Variants in TBC1D5 observed in about 807,000 individuals in gnomAD.
The protein encoded by TBC1D5 is TBC1 domain family, member 5.
TBC1D5 carries 75 observed loss-of-function variants against 100.3 expected under a neutral mutation model. That is an observed-to-expected ratio of 0.75 (90% CI 0.62 to 0.91). TBC1D5 has a LOEUF of 0.91. Among genes scored for constraint, TBC1D5 ranks in the 40% least tolerant of loss-of-function variants. The pLI is 0.00. For synonymous variants in TBC1D5, 323 were observed against 325.6 expected (o/e 0.99, Z 0.09); for missense variants, 910 against 942.4 (o/e 0.97, Z 0.45).
chr3:17,205,911 C>T (rs563174632), intron 18 of TBC1D5, among the ~76,000 whole-genome samples: 98 of 152,234 alleles, frequency 6.4e-4, no homozygotes, highest in African/African-American at 2.0e-3. Flanking sequence ...ATAATCCAAC[C>T]GTAGACCTAT....
intron 14 of TBC1D5, among the ~76,000 whole-genome samples, chr3:17,307,455 T>C (rs2083510916): frequency 1.3e-5 from 2 of 152,212 alleles, no homozygotes; most frequent in South Asian, 2.1e-4. Context: ...ACAGACACCA[T>C]AACATACATC....
intron 1 of TBC1D5, among the ~76,000 whole-genome samples, chr3:17,684,431 A>G (rs1312470087): frequency 6.6e-6 from 1 of 152,098 alleles, no homozygotes; most frequent in African/African-American, 2.4e-5. Flanking sequence ...GAAATGTACA[A>G]TGCAGTTTCT....
chr3:17,491,169 G>A (rs1465822494), intron 3 of TBC1D5, among the ~76,000 whole-genome samples: 1 of 152,136 alleles, frequency 6.6e-6, no homozygotes, highest in East Asian at 1.9e-4. Flanking sequence ...TGTATCCCGA[G>A]ACTTTGCTGA....
At chr3:17,503,509 C>G (rs1161739917) in intron 3 of TBC1D5, among the ~76,000 whole-genome samples, 1 of 149,512 alleles carries the variant, frequency 6.7e-6, no homozygotes, top group Non-Finnish European at 1.5e-5. Context: ...TAGAACAATG[C>G]CTAGTACACG....
rs184304516 is a variant in TBC1D5 at position 17,374,612 on chromosome 3, A to G, written c.752+17T>C. ...GATGGTATAAAAAAATAAAACAAAG[A>G]AAGTTTTTGTACTTACTAGGCATCA... On this transcript the variant is annotated intron_variant, in intron 11 of 21. Coordinates refer to ENST00000253692, the Ensembl canonical transcript of TBC1D5. 59 of 1,610,506 alleles carry G rather than the reference A, an allele frequency of 3.7e-5. No homozygotes were observed. In the Admixed American group the frequency reaches 5.4e-4, roughly 15 times the overall value.
At chr3:17,592,395 G>C (rs560913703) in intron 2 of TBC1D5, among the ~76,000 whole-genome samples, 1 of 152,228 alleles carries the variant, frequency 6.6e-6, no homozygotes, top group Non-Finnish European at 1.5e-5. Context: ...TAAAATTCAG[G>C]GACTTTCTAC....
At chr3:17,636,406 T>C (rs1460177918) in intron 1 of TBC1D5, among the ~76,000 whole-genome samples, 1 of 152,060 alleles carries the variant, frequency 6.6e-6, no homozygotes, top group East Asian at 1.9e-4. Context: ...AACTAGTAAG[T>C]TGTAAAACTC....
intron 2 of TBC1D5, among the ~76,000 whole-genome samples, chr3:17,549,733 C>T (rs1466491578): frequency 6.6e-6 from 1 of 152,058 alleles, no homozygotes; most frequent in East Asian, 1.9e-4. Context: ...GAGTTCAAGA[C>T]CAGCCTGGCC....
rs1438327547 is a variant in TBC1D5 at position 17,223,090 on chromosome 3, T to G, written c.1589-8720A>C. 2.0e-5 allele frequency among the ~76,000 whole-genome samples: 3 copies of G among 152,198 alleles called. No individual in the cohort carries two copies. In the East Asian group the frequency reaches 5.8e-4, roughly 29 times the overall value. ...CAAATCTAATTATATGAAATTTGCC[T>G]GTAAAATTCTATCAAAATCTGTTGA... On this transcript the variant is annotated intron_variant, in intron 17 of 21. Transcript: ENST00000253692.
intron 13 of TBC1D5, among the ~76,000 whole-genome samples, chr3:17,369,417 A>C (rs1426060103): frequency 6.6e-6 from 1 of 152,152 alleles, no homozygotes; most frequent in Non-Finnish European, 1.5e-5. Context: ...ATTATGATTT[A>C]ATTCTCACAG....
intron 13 of TBC1D5, among the ~76,000 whole-genome samples, chr3:17,336,399 C>T (rs2087806465): frequency 6.6e-6 from 1 of 152,000 alleles, no homozygotes; most frequent in African/African-American, 2.4e-5. Context: ...CGGTATCTTA[C>T]ATATAAAGTT....
intron 4 of TBC1D5, among the ~76,000 whole-genome samples, chr3:17,418,432 A>C (rs2149228057): frequency 6.6e-6 from 1 of 152,024 alleles, no homozygotes; most frequent in South Asian, 2.1e-4. Context: ...ACATGGTGAA[A>C]CCCCCACTCT....
At chr3:17,697,315 G>C (rs1184749983) in intron 1 of TBC1D5, among the ~76,000 whole-genome samples, 1 of 152,172 alleles carries the variant, frequency 6.6e-6, no homozygotes, top group Non-Finnish European at 1.5e-5. Context: ...AAGTCAAATT[G>C]TCCCTGTTTG....
chr3:17,367,725 G>A (rs893405219), intron 13 of TBC1D5, among the ~76,000 whole-genome samples: 2 of 151,958 alleles, frequency 1.3e-5, no homozygotes, highest in African/African-American at 4.8e-5. Context: ...CAGGTGTGGT[G>A]GTGGGCGTCT....
intron 13 of TBC1D5, among the ~76,000 whole-genome samples, chr3:17,331,738 T>G (rs1353343909): frequency 1.3e-5 from 2 of 152,132 alleles, no homozygotes; most frequent in Non-Finnish European, 2.9e-5. Context: ...GGTAAGGGGA[T>G]AGTGAATCAT....
At chr3:17,563,077 T>C (rs546726936) in intron 2 of TBC1D5, among the ~76,000 whole-genome samples, 1 of 152,340 alleles carries the variant, frequency 6.6e-6, no homozygotes, top group East Asian at 1.9e-4. Flanking sequence ...GATGAGGGGA[T>C]ATTTGTTGAT....
chr3:17,438,384 C>A (rs552205544), intron 3 of TBC1D5, among the ~76,000 whole-genome samples: 2 of 152,126 alleles, frequency 1.3e-5, no homozygotes, highest in Admixed American at 1.3e-4. Context: ...TCCCATAATC[C>A]CCACATATCA....
intron 1 of TBC1D5, among the ~76,000 whole-genome samples, chr3:17,669,399 G>C (rs1054364426): frequency 6.6e-6 from 1 of 151,894 alleles, no homozygotes; most frequent in Non-Finnish European, 1.5e-5. Flanking sequence ...TATAATTCAG[G>C]GGTTAAAAGT....
At chr3:17,165,615 A>C (rs2066518264) in intron 21 of TBC1D5, among the ~76,000 whole-genome samples, 1 of 152,190 alleles carries the variant, frequency 6.6e-6, no homozygotes, top group Non-Finnish European at 1.5e-5. Context: ...TAAAACTGAA[A>C]AACATTCCCA....
Sources: allele counts gnomAD v4.1 joint callset (sites outside exome capture counted in the v4.1 genomes callset), GRCh38; gene constraint gnomAD v4.1.1; transcripts MANE v1.5; gene names NCBI Gene and HGNC (gene_info 2026-07-23, HGNC 2026-07-21).